The following DRC11 variants were observed in gnomAD, a reference collection of about 807,000 sequenced individuals.
DRC11 encodes the protein dynein regulatory complex subunit 11.
chr2:236,413,151 A>G, the DRC11 span, among the ~76,000 whole-genome samples: 2 of 152,192 alleles, frequency 1.3e-5, no homozygotes, highest in Admixed American at 6.5e-5. This position sits in a 1 kb window ranked among gnomAD's most constrained non-coding sequence, Gnocchi z 4.0. Flanking sequence ...GTGTAACCAA[A>G]TATATCCTTT....
chr2:236,380,071 C>A, the DRC11 span, among the ~76,000 whole-genome samples: 1 of 152,216 alleles, frequency 6.6e-6, no homozygotes, highest in Non-Finnish European at 1.5e-5. This position sits in a 1 kb window ranked among gnomAD's most constrained non-coding sequence, Gnocchi z 4.9. Flanking sequence ...TACTTTCAGG[C>A]CACTTCAAGT....
the DRC11 span, among the ~76,000 whole-genome samples, chr2:236,428,983 G>C: frequency 0.17 from 26,119 of 152,130 alleles, 2,472 homozygotes; most frequent in Non-Finnish European, 0.21. Flanking sequence ...GTGGTATCAT[G>C]TTTCCCTGAT....
chr2:236,477,585 A>AT, the DRC11 span, among the ~76,000 whole-genome samples: 6 of 151,938 alleles, frequency 3.9e-5, no homozygotes, highest in African/African-American at 1.2e-4. Context: ...CTTCTCCTTA[A>AT]TTTTTTTTAA....
At chr2:236,428,789 G>A in the DRC11 span, among the ~76,000 whole-genome samples, 2 of 152,120 alleles carry the variant, frequency 1.3e-5, no homozygotes, top group African/African-American at 4.8e-5. Flanking sequence ...CTTTCTGATT[G>A]TCTTGTAAAT....
chr2:236,405,140 A>C, the DRC11 span, among the ~76,000 whole-genome samples: 2 of 152,130 alleles, frequency 1.3e-5, no homozygotes, highest in East Asian at 3.9e-4. This position sits in a 1 kb window ranked among gnomAD's most constrained non-coding sequence, Gnocchi z 4.6. Flanking sequence ...CATGGCACCC[A>C]ACAAATGTAA....
the DRC11 span, among the ~76,000 whole-genome samples, chr2:236,422,474 T>A: frequency 4.6e-5 from 7 of 151,976 alleles, no homozygotes; most frequent in Non-Finnish European, 8.8e-5. Context: ...GAATAAAATA[T>A]CTAGGAATCC....
At chr2:236,478,175 C>T in the DRC11 span, among the ~76,000 whole-genome samples, 1,582 of 152,080 alleles carry the variant, frequency 0.01, 28 homozygotes, top group African/African-American at 0.036. The surrounding 1 kb of genome is among the most constrained non-coding windows in gnomAD (Gnocchi z 5.9). Flanking sequence ...CTGATGTAGG[C>T]CTTTATTTGC....
At chr2:236,409,918 T>C in the DRC11 span, among the ~76,000 whole-genome samples, 2 of 152,234 alleles carry the variant, frequency 1.3e-5, no homozygotes, top group Non-Finnish European at 2.9e-5. Flanking sequence ...CATTTATTGA[T>C]TTGTGTATAT....
At chr2:236,441,242 T>C in the DRC11 span, 2 of 715,956 alleles carry the variant, frequency 2.8e-6, no homozygotes, top group Non-Finnish European at 4.9e-6. Context: ...GAGGGTTCCC[T>C]GTAGATCAAG....
At chr2:236,362,012 A>C in the DRC11 span, among the ~76,000 whole-genome samples, 1 of 152,230 alleles carries the variant, frequency 6.6e-6, no homozygotes, top group Admixed American at 6.5e-5. The surrounding 1 kb of genome is among the most constrained non-coding windows in gnomAD (Gnocchi z 5.7). Context: ...TTCCAGGACA[A>C]AAAGGGTCAT....
At chr2:236,373,894 C>T in the DRC11 span, among the ~76,000 whole-genome samples, 3 of 152,172 alleles carry the variant, frequency 2.0e-5, no homozygotes, top group African/African-American at 7.2e-5. Context: ...TTTACTTTTC[C>T]CATCCTGTTC....
chr2:236,493,946 T>C, the DRC11 span: 1 of 1,433,724 alleles, frequency 7.0e-7, no homozygotes, highest in Admixed American at 2.5e-5. Flanking sequence ...ACTAGAACTT[T>C]ATTTAAAATA....
the DRC11 span, among the ~76,000 whole-genome samples, chr2:236,309,352 C>A: frequency 1.3e-5 from 2 of 152,102 alleles, no homozygotes; most frequent in Non-Finnish European, 2.9e-5. The surrounding 1 kb of genome is among the most constrained non-coding windows in gnomAD (Gnocchi z 5.7). Flanking sequence ...ATTACCCTTC[C>A]TTCCCTTTCT....
the DRC11 span, among the ~76,000 whole-genome samples, chr2:236,451,686 G>A: frequency 5.4e-4 from 82 of 152,286 alleles, no homozygotes; most frequent in East Asian, 0.014. Flanking sequence ...CGCTGTGGGT[G>A]TGAAGGCTCC....
At chr2:236,375,846 A>G in the DRC11 span, among the ~76,000 whole-genome samples, 4 of 152,378 alleles carry the variant, frequency 2.6e-5, no homozygotes, top group East Asian at 5.8e-4. The surrounding 1 kb of genome is among the most constrained non-coding windows in gnomAD (Gnocchi z 4.2). Context: ...TATTCAATGT[A>G]GAAGGAATGA....
At chr2:236,419,039 C>G in the DRC11 span, 5 of 1,395,402 alleles carry the variant, frequency 3.6e-6, no homozygotes, top group African/African-American at 1.5e-5. The surrounding 1 kb of genome is among the most constrained non-coding windows in gnomAD (Gnocchi z 4.8). Flanking sequence ...CTCTAGGAAA[C>G]AAACGGCTGC....
At chr2:236,486,878 C>T in the DRC11 span, 110 of 1,609,940 alleles carry the variant, frequency 6.8e-5, 1 homozygote, top group South Asian at 3.8e-4. This position sits in a 1 kb window ranked among gnomAD's most constrained non-coding sequence, Gnocchi z 5.7. Context: ...AGTTTCCTTA[C>T]GTTGATGGAA....
chr2:236,492,450 T>C, the DRC11 span, among the ~76,000 whole-genome samples: 5 of 152,166 alleles, frequency 3.3e-5, no homozygotes, highest in Non-Finnish European at 7.3e-5. Context: ...CAGCATACAC[T>C]TGGAATCTTC....
the DRC11 span, chr2:236,507,300 C>T: frequency 3.7e-6 from 6 of 1,613,760 alleles, no homozygotes; most frequent in Admixed American, 1.7e-5. Context: ...CCTCGCCCTC[C>T]GGGAAGCTCT....
Sources: gnomAD v4.1 joint callset for allele counts (sites outside exome capture counted in the v4.1 genomes callset) on GRCh38, gnomAD v4.1.1 for gene constraint, Gnocchi (gnomAD v3.1) non-coding constraint, MANE v1.5 for transcripts, NCBI Gene and HGNC (gene_info 2026-07-23, HGNC 2026-07-21) for gene names.